Variants in CSMD1 observed in about 807,000 individuals in gnomAD.
The protein encoded by CSMD1 is CUB and sushi domain-containing protein 1.
Under a neutral mutation model 417.5 loss-of-function variants are expected in CSMD1, and 213 were observed. The ratio of observed to expected loss-of-function variants is 0.51; its 90% CI spans 0.46 to 0.57. CSMD1 has a LOEUF of 0.57. Among genes scored for constraint, CSMD1 ranks in the 20% least tolerant of loss-of-function variants. The pLI is 0.00. For missense variants in CSMD1, 6,923 were observed against 4,529.7 expected (o/e 1.53, Z -15.17); for synonymous variants, 2,862 against 1,736.8 (o/e 1.65, Z -16.11).
At chr8:3,840,618 T>C (rs1011593865) in intron 5 of CSMD1, among the ~76,000 whole-genome samples, 2 of 152,012 alleles carry the variant, frequency 1.3e-5, no homozygotes, top group African/African-American at 2.4e-5. Flanking sequence ...GAGTTTATGA[T>C]ATATCTGTGT....
At chr8:3,166,946 C>G (rs995531267) in intron 37 of CSMD1, among the ~76,000 whole-genome samples, 5 of 152,058 alleles carry the variant, frequency 3.3e-5, no homozygotes, top group African/African-American at 4.8e-5. Flanking sequence ...TGCTTCATAC[C>G]ATAAATGATA....
chr8:3,206,043 GA>G (rs1797233425), intron 30 of CSMD1, among the ~76,000 whole-genome samples: 3 of 152,132 alleles, frequency 2.0e-5, no homozygotes, highest in Admixed American at 6.5e-5. Context: ...GGAATCAAAG[GA>G]AAAATGTTTT....
chr8:3,765,492 C>A (rs1994056), intron 5 of CSMD1, among the ~76,000 whole-genome samples: 80,470 of 151,976 alleles, frequency 0.53, 22,571 homozygotes, highest in Non-Finnish European at 0.63. Flanking sequence ...GCACTCTGAG[C>A]CCACTGAGGG....
At chr8:3,278,062 G>A (rs1049491510) in intron 26 of CSMD1, among the ~76,000 whole-genome samples, 1 of 152,096 alleles carries the variant, frequency 6.6e-6, no homozygotes, top group African/African-American at 2.4e-5. Context: ...AGCCCTCCTG[G>A]CATCTGATCT....
intron 26 of CSMD1, among the ~76,000 whole-genome samples, chr8:3,280,014 G>A (rs1187710246): frequency 6.6e-6 from 1 of 152,182 alleles, no homozygotes; most frequent in Non-Finnish European, 1.5e-5. Flanking sequence ...GAAAGAGATG[G>A]TCAATGCAGC....
At chr8:4,548,025 A>C (rs947031379) in intron 2 of CSMD1, among the ~76,000 whole-genome samples, 2 of 152,184 alleles carry the variant, frequency 1.3e-5, no homozygotes, top group Non-Finnish European at 2.9e-5. Context: ...CCTTTAAAAA[A>C]CATTGTGGGT....
At chr8:3,858,327 CTTTT>C (rs1804454626) in intron 5 of CSMD1, among the ~76,000 whole-genome samples, 1 of 152,144 alleles carries the variant, frequency 6.6e-6, no homozygotes, top group African/African-American at 2.4e-5. Flanking sequence ...AAAGGCTCTT[CTTTT>C]GAGAAAAATG....
At chr8:3,267,833 C>A (rs997119141) in intron 26 of CSMD1, among the ~76,000 whole-genome samples, 1 of 152,082 alleles carries the variant, frequency 6.6e-6, no homozygotes, top group Non-Finnish European at 1.5e-5. Flanking sequence ...GCTGGGCCAA[C>A]CATTGACGGG....
At chr8:4,855,856 G>A (rs1340776957) in intron 1 of CSMD1, among the ~76,000 whole-genome samples, 1 of 150,882 alleles carries the variant, frequency 6.6e-6, no homozygotes, top group Non-Finnish European at 1.5e-5. Context: ...TATTATCCAG[G>A]AGAACTTCCC....
intron 7 of CSMD1, among the ~76,000 whole-genome samples, chr8:3,699,209 A>G (rs1041996182): frequency 3.3e-5 from 5 of 152,240 alleles, no homozygotes; most frequent in African/African-American, 1.2e-4. Context: ...TGACTAGAGC[A>G]CACAATGTAG....
intron 3 of CSMD1, among the ~76,000 whole-genome samples, chr8:4,047,523 T>TCATG (rs1798209768): frequency 6.6e-6 from 1 of 151,610 alleles, no homozygotes; most frequent in South Asian, 2.1e-4. Flanking sequence ...GATATGTCAT[T>TCATG]CATTCATTCA....
intron 1 of CSMD1, among the ~76,000 whole-genome samples, chr8:4,863,621 C>T (rs558955499): frequency 3.3e-5 from 5 of 152,132 alleles, no homozygotes; most frequent in African/African-American, 1.2e-4. Flanking sequence ...AACACTCCCA[C>T]CTCTCCATAT....
intron 1 of CSMD1, among the ~76,000 whole-genome samples, chr8:4,831,122 A>T (rs911319501): frequency 1.3e-5 from 2 of 152,226 alleles, no homozygotes; most frequent in Non-Finnish European, 2.9e-5. Context: ...AGGAAAAAAG[A>T]AACTGTAAAA....
chr8:4,111,063 TG>T (rs1801828053), intron 3 of CSMD1, among the ~76,000 whole-genome samples: 1 of 152,168 alleles, frequency 6.6e-6, no homozygotes, highest in Non-Finnish European at 1.5e-5. Flanking sequence ...TTGCACCGCA[TG>T]GAAAAATCTG....
chr8:3,344,476 A>G (rs1280347312), intron 22 of CSMD1, among the ~76,000 whole-genome samples: 1 of 152,200 alleles, frequency 6.6e-6, no homozygotes, highest in Non-Finnish European at 1.5e-5. Flanking sequence ...AAAGTAAAAT[A>G]AAAAAGTCAA....
intron 25 of CSMD1, among the ~76,000 whole-genome samples, chr8:3,305,294 CAAATT>C (rs918863878): frequency 1.8e-4 from 28 of 151,956 alleles, no homozygotes; most frequent in Middle Eastern, 3.4e-3. Flanking sequence ...CAATAATCAT[CAAATT>C]AATCATTTAT....
chr8:3,721,180 C>G (rs1201979475), intron 6 of CSMD1, among the ~76,000 whole-genome samples: 1 of 151,772 alleles, frequency 6.6e-6, no homozygotes, highest in African/African-American at 2.4e-5. Context: ...ATTTTTTTTT[C>G]TCCAGCCTCT....
intron 3 of CSMD1, among the ~76,000 whole-genome samples, chr8:4,182,402 A>G (rs1362713630): frequency 6.6e-6 from 1 of 152,170 alleles, no homozygotes; most frequent in Non-Finnish European, 1.5e-5. Context: ...TAGAGAGATC[A>G]GTAAATGCTG....
At chr8:4,593,483 A>G (rs189295559) in intron 2 of CSMD1, among the ~76,000 whole-genome samples, 6 of 152,320 alleles carry the variant, frequency 3.9e-5, no homozygotes, top group Non-Finnish European at 7.3e-5. Context: ...AACATAAAAG[A>G]GAACGCTTTT....
Sources: gnomAD v4.1 joint callset for allele counts (sites outside exome capture counted in the v4.1 genomes callset) on GRCh38, gnomAD v4.1.1 for gene constraint, MANE v1.5 for transcripts, NCBI Gene and HGNC (gene_info 2026-07-23, HGNC 2026-07-21) for gene names.